The following C18orf54 variants were observed in gnomAD, a reference collection of about 807,000 sequenced individuals.
The protein encoded by C18orf54 is chromosome 18 open reading frame 54, also known as lung adenoma susceptibility protein 2.
A neutral mutation model predicts 49.3 loss-of-function variants in C18orf54; 49 were observed. The ratio of observed to expected loss-of-function variants is 0.99; its 90% CI spans 0.79 to 1.26. The LOEUF is 1.26. C18orf54 is among the 50% of genes most tolerant of loss of function. C18orf54 has a pLI of 0.00. For missense variants in C18orf54, 687 were observed against 620.6 expected (o/e 1.11, Z -1.14); for synonymous variants, 211 against 216.6 (o/e 0.97, Z 0.23).
At chr18:54,371,456 A>G (rs2144744859) in intron 6 of C18orf54, among the ~76,000 whole-genome samples, 1 of 152,288 alleles carries the variant, frequency 6.6e-6, no homozygotes, top group East Asian at 1.9e-4. Flanking sequence ...GAACATGGGT[A>G]TACAAATATC....
intron 8 of C18orf54, 93 bp from the exon 9 acceptor site, chr18:54,378,081 T>G: frequency 1.3e-6 from 1 of 794,880 alleles, no homozygotes; most frequent in Non-Finnish European, 1.8e-6. Context: ...ATTTTGAAGT[T>G]AATAGTCAAC....
Position 54,360,698 on chromosome 18 carries a change from T to C in C18orf54, c.126T>C (p.Asp42=). 6.2e-7 allele frequency: 1 copy of C among 1,614,144 alleles called. No homozygotes were observed. Among genetic ancestry groups the C allele is most frequent in the Non-Finnish European group, 8.5e-7 (1 of 1,179,966 alleles). ...SNSDGSFHYK[D]KLYRSASQAL... ...CTGATGGCTCGTTTCACTATAAAGA[T>C]AAGCTGTACAGATCTGCTTCTCAAG... The change falls in exon 3 of 9, where the codon GAT becomes GAC. Residue 42 remains aspartate (D), a synonymous_variant. Transcript: ENST00000620105.
Position 54,372,454 on chromosome 18 carries a change from T to C in C18orf54, c.1327-12T>C. The C allele has an allele frequency of 6.4e-7, 1 of 1,561,790 alleles. No individual in the cohort carries two copies. Among genetic ancestry groups the C allele is most frequent in the South Asian group, 1.3e-5 (1 of 79,564 alleles). On this transcript the variant is annotated splice_polypyrimidine_tract_variant and intron_variant, in intron 6 of 8. Transcript: ENST00000620105. ...ATGGTTAACTTTATACTATCATCTG[T>C]TTTAACCTTAGAGCTGTACTCTCTC...
At position 54,372,859 on chromosome 18, in the gene C18orf54, A is replaced by T. The variant is rs529640082; in HGVS notation, c.1458+262A>T. 2.6e-3 allele frequency among the ~76,000 whole-genome samples: 393 copies of T among 152,038 alleles called. 1 individual carries two copies. Among genetic ancestry groups the T allele is most frequent in the African/African-American group, 9.1e-3 (379 of 41,540 alleles). On this transcript the variant is annotated intron_variant, in intron 7 of 8. Transcript: ENST00000620105. ...TCTTATTTAGTTATGATGGTGTTAC[A>T]ACTATAGTATCAAAGGGTTGTAAGA... is the stretch of plus-strand genomic sequence containing the variant.
chr18:54,363,320 T>G (rs2089309853), intron 5 of C18orf54, among the ~76,000 whole-genome samples: 1 of 152,148 alleles, frequency 6.6e-6, no homozygotes, highest in Non-Finnish European at 1.5e-5. Context: ...TCTTTTTCTT[T>G]TCTTTTCTTT....
chr18:54,360,186 A>G (rs1364087409), intron 2 of C18orf54, among the ~76,000 whole-genome samples: 1 of 152,222 alleles, frequency 6.6e-6, no homozygotes, highest in East Asian at 1.9e-4. Context: ...ATGTCATAGA[A>G]TATATCACCA....
chr18:54,376,205 A>G (rs1241969312), intron 8 of C18orf54, among the ~76,000 whole-genome samples: 1 of 152,216 alleles, frequency 6.6e-6, no homozygotes, highest in Non-Finnish European at 1.5e-5. Flanking sequence ...TCCAGTTTTA[A>G]GATATATTTC....
Position 54,380,871 on chromosome 18 carries a change from C to T in C18orf54, c.*2625C>T, listed in dbSNP as rs568581846. The T allele has an allele frequency of 1.3e-5, 2 of 152,208 alleles. No individual in the cohort carries two copies. The highest frequency in any genetic ancestry group is 6.5e-5 in the Admixed American group (1 of 15,284). 9.4% of individuals were successfully genotyped at this position (152,208 alleles called of 1,614,324 possible). ...ATTTTTTTCTGTCCCACCCTTCACT[C>T]TCTCTGTTTCAGAACATTTTTGGTA... On this transcript the variant is annotated 3_prime_UTR_variant, in exon 9 of 9. Transcript: ENST00000620105.
intron 7 of C18orf54, among the ~76,000 whole-genome samples, chr18:54,373,635 T>G (rs2089525326): frequency 6.6e-6 from 1 of 151,860 alleles, no homozygotes; most frequent in Non-Finnish European, 1.5e-5. Flanking sequence ...TTTATCAATT[T>G]CCTTTTCTGT....
In C18orf54 at chr18:54,372,465, G is replaced by T; in HGVS notation, c.1327-1G>T. ...TATACTATCATCTGTTTTAACCTTA[G>T]AGCTGTACTCTCTCTGGAGGCAAAC... On this transcript the variant is annotated splice_acceptor_variant, in intron 6 of 8. Coordinates refer to ENST00000620105, the MANE Select transcript of C18orf54 (RefSeq NM_001288980.2). LOFTEE classifies it high-confidence loss of function. The T allele has an allele frequency of 6.3e-7, 1 of 1,599,808 alleles. No homozygotes were observed. The highest frequency in any genetic ancestry group is 1.1e-5 in the South Asian group (1 of 87,524).
intron 6 of C18orf54, among the ~76,000 whole-genome samples, chr18:54,367,961 G>A (rs1371337972): frequency 1.3e-5 from 2 of 151,916 alleles, no homozygotes; most frequent in South Asian, 2.1e-4. Flanking sequence ...ATTTGATGAA[G>A]TCTATTAAGC....
intron 8 of C18orf54, among the ~76,000 whole-genome samples, chr18:54,377,956 TTAAAG>T (rs1240578560): frequency 1.3e-5 from 2 of 152,206 alleles, no homozygotes; most frequent in East Asian, 3.8e-4. Context: ...AATATAATTT[TTAAAG>T]TAAATGTTTA....
At position 54,379,499 on chromosome 18, in the gene C18orf54, G is replaced by GT. The variant is rs58660603; in HGVS notation, c.*1271dup. ...CAAACACTACAGTGAGCTCTGTGGG[G>GT]TTTTTTTTTTTTTTTTTTGCCCGTG... is the stretch of plus-strand genomic sequence containing the variant. On this transcript the variant is annotated 3_prime_UTR_variant, in exon 9 of 9. Coordinates refer to ENST00000620105, the MANE Select transcript of C18orf54 (RefSeq NM_001288980.2). The GT allele has an allele frequency of 0.1, 12,447 of 124,490 alleles. 1,942 individuals are homozygous for GT. Among genetic ancestry groups the GT allele is most frequent in the African/African-American group, 0.33 (11,067 of 33,354 alleles). The allele number at this position is 124,490 out of a possible 1,614,324, so 7.7% of individuals were successfully genotyped here.
rs2089636940 is a variant in C18orf54 at position 54,379,839 on chromosome 18, A to C, written c.*1593A>C. The C allele has an allele frequency of 6.6e-6, 1 of 152,024 alleles. No homozygotes were observed. The highest frequency in any genetic ancestry group is 1.5e-5 in the Non-Finnish European group (1 of 67,912). 9.4% of individuals were successfully genotyped at this position (152,024 alleles called of 1,614,324 possible). Reference sequence around the variant, plus strand: ...GCATCAGGTGGTAACTTCTAATTGAATATTATATGTTGATCATACATAATA... The same window carrying C: ...GCATCAGGTGGTAACTTCTAATTGACTATTATATGTTGATCATACATAATA... On this transcript the variant is annotated 3_prime_UTR_variant, in exon 9 of 9. Coordinates refer to ENST00000620105, the MANE Select transcript of C18orf54 (RefSeq NM_001288980.2).
rs3744855 is a variant in C18orf54 at position 54,362,034 on chromosome 18, C to T, written c.675C>T (p.Phe225=). ...TGTCTTTTCCCAAGAAATCGTCTTT[C>T]AAGGACAGTTCAGAACACAGTCTTG... is the stretch of plus-strand genomic sequence containing the variant. ...SSLSFPKKSS[F]KDSSEHSLEK... is the part of the protein sequence containing the mutation. The change falls in exon 4 of 9, where the codon TTC becomes TTT. Residue 225 remains phenylalanine (F), a synonymous_variant. Coordinates refer to ENST00000620105, the MANE Select transcript of C18orf54 (RefSeq NM_001288980.2). 8.9e-4 allele frequency: 1,409 copies of T among 1,585,252 alleles called. 31 individuals are homozygous for T. The East Asian group carries it at 0.028, about 31-fold the overall frequency.
intron 8 of C18orf54, among the ~76,000 whole-genome samples, chr18:54,375,715 A>C (rs1314923563): frequency 6.6e-6 from 1 of 151,838 alleles, no homozygotes; most frequent in Non-Finnish European, 1.5e-5. Flanking sequence ...CTTTTTTTCT[A>C]CTATAAGCAA....
chr18:54,363,261 C>G (rs968335202), intron 5 of C18orf54, among the ~76,000 whole-genome samples: 1 of 152,050 alleles, frequency 6.6e-6, no homozygotes, highest in African/African-American at 2.4e-5. Flanking sequence ...TGACTTAAAG[C>G]TTTTCCTCTG....
chr18:54,362,754 T>C lies in C18orf54; in HGVS notation c.1073-17T>C. On this transcript the variant is annotated splice_polypyrimidine_tract_variant and intron_variant, in intron 4 of 8. Coordinates refer to ENST00000620105, the MANE Select transcript of C18orf54 (RefSeq NM_001288980.2). ...AATTTTTTTCTTCAAGGATTAATAG[T>C]CATCTTTTACAATTAGGTGACAAAA... The C allele has an allele frequency of 5.6e-6, 9 of 1,595,888 alleles. No individual in the cohort carries two copies. Among genetic ancestry groups the C allele is most frequent in the Non-Finnish European group, 7.7e-6 (9 of 1,174,146 alleles).
chr18:54,371,222 C>T (rs1462396941), intron 6 of C18orf54, among the ~76,000 whole-genome samples: 4 of 151,910 alleles, frequency 2.6e-5, no homozygotes, highest in Non-Finnish European at 5.9e-5. Flanking sequence ...ATAGGAACCT[C>T]GTGTAAGAAG....
Sources: allele counts gnomAD v4.1 joint callset (sites outside exome capture counted in the v4.1 genomes callset), GRCh38; gene constraint gnomAD v4.1.1; transcripts MANE v1.5; gene names NCBI Gene and HGNC (gene_info 2026-07-23, HGNC 2026-07-21).